The following TAGAP variants were observed in gnomAD, a reference collection of about 807,000 sequenced individuals.
TAGAP encodes T-cell activation Rho GTPase-activating protein.
Under a neutral mutation model 36.0 loss-of-function variants are expected in TAGAP, and 16 were observed. The ratio of observed to expected loss-of-function variants is 0.44; its 90% CI spans 0.30 to 0.68. The LOEUF (loss-of-function observed/expected upper bound fraction) is 0.68. Ranked by LOEUF, TAGAP falls within the 30% of genes least tolerant of loss-of-function variation. TAGAP has a pLI of 0.09. For missense variants in TAGAP, 794 were observed against 921.5 expected, an observed-to-expected ratio of 0.86 and a Z score of 1.79; for synonymous variants, 372 against 377.4, an observed-to-expected ratio of 0.99 and a Z score of 0.17.
At chr6:159,043,762 G>A (rs1167404568) in intron 3 of TAGAP, 107 bp from the exon 4 acceptor site, 1 of 1,207,836 alleles carries the variant, frequency 8.3e-7, no homozygotes, top group Non-Finnish European at 1.2e-6. Context: ...AATGAAGTCA[G>A]TAGAGTGCAT....
At position 159,038,107 on chromosome 6, in the gene TAGAP, T is replaced by G; in HGVS notation, c.898+7A>C. 1 of 1,573,104 alleles carries G rather than the reference T, an allele frequency of 6.4e-7. No homozygotes were observed. Among genetic ancestry groups the G allele is most frequent in the Non-Finnish European group, 8.7e-7 (1 of 1,144,014 alleles). On this transcript the variant is annotated splice_region_variant and intron_variant, in intron 9 of 9. Coordinates refer to ENST00000367066, the MANE Select transcript of TAGAP (RefSeq NM_054114.5). ...CAATCGTAATCAAATGATAGCACAT[T>G]CCATACCTGAACTGTCAGTGTGCTC... is the stretch of plus-strand genomic sequence containing the variant.
intron 8 of TAGAP, among the ~76,000 whole-genome samples, chr6:159,038,694 A>G (rs1050769267): frequency 2.0e-5 from 3 of 152,186 alleles, no homozygotes; most frequent in African/African-American, 7.2e-5. Flanking sequence ...CAACAATCAC[A>G]TACATTAAAG....
chr6:159,042,265 C>G lies in TAGAP; in HGVS notation c.149-21G>C, dbSNP rs760493681. ...AACTTCTACAGCCAAGAAAACAAGG[C>G]AACGAGAAAAATTAGACTACAGTGT... On this transcript the variant is annotated intron_variant, in intron 4 of 9. Transcript: ENST00000367066. 11 of 1,598,002 alleles carry G rather than the reference C, an allele frequency of 6.9e-6. No individual in the cohort carries two copies. The Admixed American group carries it at 1.1e-4, about 16-fold the overall frequency.
chr6:159,042,230 T>C lies in TAGAP; in HGVS notation c.163A>G (p.Lys55Glu), dbSNP rs1310385754. 1.2e-6 allele frequency: 2 copies of C among 1,611,730 alleles called. No individual in the cohort carries two copies. Among genetic ancestry groups the C allele is most frequent in the South Asian group, 2.2e-5 (2 of 90,686 alleles). ...AGAAAGGGCCAGGACAGCACCTTCT[T>C]TCTCTTCTTAACTTCTACAGCCAAG... ...ICQLIEVKKR[K>E]KVLSWPFLMR... Residue 55 changes from lysine to glutamate, a missense_variant, in exon 5 of 10, where the codon AAG becomes GAG. Lys to Glu is a moderately conservative substitution (Grantham distance 56, BLOSUM62 1). Transcript: ENST00000367066.
In TAGAP at chr6:159,036,303, G is replaced by T. The variant is rs770272903; in HGVS notation, c.1720C>A (p.His574Asn). The change falls in exon 10 of 10, where the codon CAC (histidine) becomes AAC (asparagine). Residue 574 changes from histidine to asparagine, a missense_variant. Transcript: ENST00000367066. This position sits in a 1 kb window ranked among gnomAD's most constrained non-coding sequence, Gnocchi z 4.9. ...AACACATCATCCACCGAGAGGGCGT[G>T]GGGTCTCAGGCAGAAGCCGCGGGCT... is the stretch of plus-strand genomic sequence containing the variant. ...QTARGFCLRP[H>N]ALSVDDVFQG... 6.2e-7 allele frequency: 1 copy of T among 1,613,578 alleles called. No homozygotes were observed. The highest frequency in any genetic ancestry group is 1.7e-5 in the Admixed American group (1 of 60,030).
In TAGAP at chr6:159,041,196, G is replaced by A; in HGVS notation, c.477+158C>T. 2.2e-6 allele frequency: 2 copies of A among 888,932 alleles called. No homozygotes were observed. 55.1% of individuals were successfully genotyped at this position (888,932 alleles called of 1,614,324 possible). ...AATCTGAGGTCACAGAAACAGAGGT[G>A]CTTACTAAATAAATAAATAAAGGGC... On this transcript the variant is annotated intron_variant, in intron 6 of 9. Transcript: ENST00000367066. This position sits in a 1 kb window ranked among gnomAD's most constrained non-coding sequence, Gnocchi z 4.1.
In TAGAP at chr6:159,042,398, C is replaced by T. The variant is rs376332883; in HGVS notation, c.149-154G>A. On this transcript the variant is annotated intron_variant, in intron 4 of 9. Transcript: ENST00000367066. ...TTTGAAAACTTGAGAAAGCAAAGGG[C>T]GTGAATCTTAATCTAGAAAAACCAA... is the stretch of plus-strand genomic sequence containing the variant. 5.4e-5 allele frequency: 77 copies of T among 1,417,934 alleles called. No homozygotes were observed. The African/African-American group carries it at 7.0e-4, about 13-fold the overall frequency. 87.8% of individuals were successfully genotyped at this position (1,417,934 alleles called of 1,614,324 possible).
In TAGAP at chr6:159,037,027, G is replaced by A; in HGVS notation, c.996C>T (p.Pro332=). Reference sequence around the variant, plus strand: ...CAGCAGCTGTGGCCATGGGCACCTGGGGCTGCCTGCTGGGAGAGCTGATGC... The same window carrying A: ...CAGCAGCTGTGGCCATGGGCACCTGAGGCTGCCTGCTGGGAGAGCTGATGC... ...SSGISSPSRQ[P]QVPMATAAGL... is the part of the protein sequence containing the mutation. The change falls in exon 10 of 10, where the codon CCC becomes CCT. Residue 332 remains proline (P), a synonymous_variant. Coordinates refer to ENST00000367066, the MANE Select transcript of TAGAP (RefSeq NM_054114.5). The surrounding 1 kb of genome is among the most constrained non-coding windows in gnomAD (Gnocchi z 5.1). 6.2e-7 allele frequency: 1 copy of A among 1,613,738 alleles called. No individual in the cohort carries two copies. The highest frequency in any genetic ancestry group is 1.3e-5 in the African/African-American group (1 of 75,042).
intron 7 of TAGAP, among the ~76,000 whole-genome samples, chr6:159,040,263 A>C (rs1779699127): frequency 6.6e-6 from 1 of 152,188 alleles, no homozygotes; most frequent in Non-Finnish European, 1.5e-5. Flanking sequence ...AAGTTTTATG[A>C]ACAAAACAAC....
intron 7 of TAGAP, 78 bp from the exon 8 acceptor site, chr6:159,039,387 A>G: frequency 6.9e-7 from 1 of 1,458,160 alleles, no homozygotes; most frequent in Non-Finnish European, 9.4e-7. Flanking sequence ...TTTCTGCCGA[A>G]ACCAGACTTC....
chr6:159,035,918 T>C lies in TAGAP; in HGVS notation c.2105A>G (p.Gln702Arg), dbSNP rs747847015. The stretch of plus-strand genomic sequence containing the variant: ...CACGAGACAGTCCCGCTTATTCCTC[T>C]GCACGGACTCGGAGACGGTCCTCAG... ...LPLRTVSESV[Q>R]RNKRDCLVRR... Residue 702 changes from glutamine (Q) to arginine (R), a missense_variant, in exon 10 of 10, where the codon CAG (glutamine) becomes CGG (arginine). Transcript: ENST00000367066. 8 of 1,614,196 alleles carry C rather than the reference T, an allele frequency of 5.0e-6. No individual in the cohort carries two copies. In the East Asian group the frequency reaches 1.8e-4, roughly 36 times the overall value.
chr6:159,041,665 G>A lies in TAGAP; in HGVS notation c.316-150C>T, dbSNP rs1006330736. 1.1e-6 allele frequency: 1 copy of A among 881,612 alleles called. No homozygotes were observed. The highest frequency in any genetic ancestry group is 1.6e-6 in the Non-Finnish European group (1 of 610,584). 54.6% of individuals were successfully genotyped at this position (881,612 alleles called of 1,614,324 possible). A position where few individuals can be genotyped will look rare whatever the true frequency, so the allele number is the denominator to read the frequency against. Reference sequence around the variant, plus strand: ...CAACCCTGCTATTTTTCTAAGAGGAGGCAAATTGTGAAAGCTCTAATTTTG... The same window carrying A: ...CAACCCTGCTATTTTTCTAAGAGGAAGCAAATTGTGAAAGCTCTAATTTTG... On this transcript the variant is annotated intron_variant, in intron 5 of 9. Transcript: ENST00000367066. The surrounding 1 kb of genome is among the most constrained non-coding windows in gnomAD (Gnocchi z 4.1).
rs1348677683 is a variant in TAGAP, at chr6:159,043,973, C to T, written c.81+5G>A. The T allele has an allele frequency of 6.2e-7, 1 of 1,612,850 alleles. No individual in the cohort carries two copies. The highest frequency in any genetic ancestry group is 8.5e-7 in the Non-Finnish European group (1 of 1,179,488). ...GATAAAAAGTCTTAAAAATTGCTTTCTTACCTCTGATTGACATTCGATTAG... is the reference window on the plus strand; with the variant it reads ...GATAAAAAGTCTTAAAAATTGCTTTTTTACCTCTGATTGACATTCGATTAG... On this transcript the variant is annotated splice_donor_5th_base_variant and intron_variant, in intron 3 of 9. Coordinates refer to ENST00000367066, the MANE Select transcript of TAGAP (RefSeq NM_054114.5).
chr6:159,042,399 G>A (rs1041476744), intron 4 of TAGAP, 155 bp from the exon 5 acceptor site: 4 of 1,416,670 alleles, frequency 2.8e-6, no homozygotes, highest in African/African-American at 2.9e-5. Context: ...AGCAAAGGGC[G>A]TGAATCTTAA....
In TAGAP at chr6:159,041,721, C is replaced by G. The variant is rs1349669794; in HGVS notation, c.316-206G>C. On this transcript the variant is annotated intron_variant, in intron 5 of 9. Coordinates refer to ENST00000367066, the MANE Select transcript of TAGAP (RefSeq NM_054114.5). The surrounding 1 kb of genome is among the most constrained non-coding windows in gnomAD (Gnocchi z 4.1). ...TCTAAAATCACTTTGGAGCTCTCTC[C>G]TTTCAAATACTTCCATATGAACATT... 3 of 578,788 alleles carry G rather than the reference C, an allele frequency of 5.2e-6. No individual in the cohort carries two copies. Among genetic ancestry groups the G allele is most frequent in the Non-Finnish European group, 8.9e-6 (3 of 335,636 alleles). The allele number at this position is 578,788 out of a possible 1,614,324, so 35.9% of individuals were successfully genotyped here.
chr6:159,040,582 T>G, intron 7 of TAGAP, 141 bp downstream of exon 7: 1 of 611,274 alleles, frequency 1.6e-6, no homozygotes, highest in East Asian at 2.9e-5. Flanking sequence ...GTTCTGGGAG[T>G]GGACGAGCAA....
At chr6:159,043,860 G>C in intron 3 of TAGAP, 118 bp downstream of exon 3, 1 of 1,024,666 alleles carries the variant, frequency 9.8e-7, no homozygotes, top group Non-Finnish European at 1.5e-6. Flanking sequence ...TTTACTACAT[G>C]TGTGATGTTA....
At chr6:159,040,677 C>T (rs372054733) in intron 7 of TAGAP, 46 bp downstream of exon 7, 26 of 1,431,806 alleles carry the variant, frequency 1.8e-5, no homozygotes, top group South Asian at 3.5e-5. Flanking sequence ...AATCAAAAGA[C>T]GGAGGTGATG....
chr6:159,043,836 A>G (rs1351888810), intron 3 of TAGAP, 142 bp downstream of exon 3: 2 of 990,648 alleles, frequency 2.0e-6, no homozygotes, highest in Non-Finnish European at 3.1e-6. Context: ...TAAGATCCTA[A>G]TTAATGTGCT....
Sources: gnomAD v4.1 joint callset for allele counts (sites outside exome capture counted in the v4.1 genomes callset) on GRCh38, gnomAD v4.1.1 for gene constraint, Gnocchi (gnomAD v3.1) non-coding constraint, MANE v1.5 for transcripts, NCBI Gene and HGNC (gene_info 2026-07-23, HGNC 2026-07-21) for gene names.